Variants in KCTD1 observed in about 807,000 individuals in gnomAD.
KCTD1 encodes potassium channel tetramerization domain containing 1.
In KCTD1, 24 loss-of-function variants were observed where a neutral mutation model predicts 66.0. The ratio of observed to expected loss-of-function variants is 0.36; its 90% CI spans 0.26 to 0.51. KCTD1 has a LOEUF of 0.51. KCTD1 is among the 20% of genes least tolerant of loss of function. The pLI, the probability that KCTD1 is intolerant of heterozygous loss-of-function variation, is 0.95. For missense variants in KCTD1, 943 were observed against 1,205.2 expected (o/e 0.78, Z 3.22); for synonymous variants, 511 against 517.2 (o/e 0.99, Z 0.16).
intron 1 of KCTD1, among the ~76,000 whole-genome samples, chr18:26,519,369 C>A (rs373498292): frequency 6.6e-6 from 1 of 152,178 alleles, no homozygotes; most frequent in Non-Finnish European, 1.5e-5. Flanking sequence ...AAAATATTAA[C>A]CTCTTGTTCC....
chr18:26,481,400 G>C (rs542030364), intron 2 of KCTD1, among the ~76,000 whole-genome samples: 38 of 152,332 alleles, frequency 2.5e-4, no homozygotes, highest in Admixed American at 2.4e-3. Context: ...GCAGGGAGAA[G>C]GGTGCGGAAG....
At chr18:26,462,609 G>A (rs578117633) in intron 3 of KCTD1, among the ~76,000 whole-genome samples, 42 of 152,248 alleles carry the variant, frequency 2.8e-4, no homozygotes, top group Middle Eastern at 3.4e-3. Flanking sequence ...TTCTGCACAC[G>A]GTGAAGTGCA....
At chr18:26,572,622 CTG>C (rs1301553342) in intron 1 of KCTD1, among the ~76,000 whole-genome samples, 2 of 152,194 alleles carry the variant, frequency 1.3e-5, no homozygotes, top group Non-Finnish European at 2.9e-5. Context: ...ATGAGGCACT[CTG>C]TTGCTTTTGA....
intron 1 of KCTD1, among the ~76,000 whole-genome samples, chr18:26,502,665 A>G (rs188961202): frequency 4.0e-5 from 6 of 151,586 alleles, no homozygotes; most frequent in East Asian, 1.9e-4. Flanking sequence ...TAGAGTATCT[A>G]ACTGAAGAGT....
intron 1 of KCTD1, among the ~76,000 whole-genome samples, chr18:26,507,985 A>G (rs999324237): frequency 6.6e-6 from 1 of 152,166 alleles, no homozygotes; most frequent in African/African-American, 2.4e-5. Flanking sequence ...AAATAAGATA[A>G]ACTGAAAATA....
intron 2 of KCTD1, among the ~76,000 whole-genome samples, chr18:26,477,068 G>A (rs920583056): frequency 2.0e-4 from 31 of 152,106 alleles, no homozygotes; most frequent in African/African-American, 7.0e-4. Flanking sequence ...TTAAGAAATC[G>A]TTTTCTGAGT....
intron 3 of KCTD1, among the ~76,000 whole-genome samples, chr18:26,472,531 C>T (rs1981124377): frequency 1.3e-5 from 2 of 152,222 alleles, no homozygotes; most frequent in African/African-American, 2.4e-5. Context: ...TCCTCCCTCA[C>T]CCATTTCCAA....
intron 1 of KCTD1, among the ~76,000 whole-genome samples, chr18:26,511,732 ACT>A (rs1359407698): frequency 6.6e-6 from 1 of 152,116 alleles, no homozygotes; most frequent in Non-Finnish European, 1.5e-5. Flanking sequence ...TAAGGTTGCC[ACT>A]CTCTTATTAC....
At chr18:26,543,586 G>T (rs1985075549) in intron 1 of KCTD1, 1 of 152,286 alleles carries the variant, frequency 6.6e-6, no homozygotes, top group Non-Finnish European at 1.5e-5. Context: ...GTGTCAGCCT[G>T]CTTGCAGCCT....
At chr18:26,614,807 A>G (rs1987214015) in intron 1 of KCTD1, among the ~76,000 whole-genome samples, 1 of 152,226 alleles carries the variant, frequency 6.6e-6, no homozygotes, top group Non-Finnish European at 1.5e-5. Flanking sequence ...GTGGTGACCT[A>G]CACTTATCTT....
intron 1 of KCTD1, among the ~76,000 whole-genome samples, chr18:26,526,168 G>C (rs1027675156): frequency 2.0e-5 from 3 of 152,158 alleles, no homozygotes; most frequent in Admixed American, 2.0e-4. Flanking sequence ...AAAATTGTGA[G>C]TTAAATGTGA....
chr18:26,540,358 C>A (rs1984918055), intron 1 of KCTD1, among the ~76,000 whole-genome samples: 4 of 152,318 alleles, frequency 2.6e-5, no homozygotes, highest in Admixed American at 2.6e-4. Flanking sequence ...CACGTTTTAC[C>A]CCCCTTCCTC....
chr18:26,497,054 G>A (rs1051065093), intron 2 of KCTD1, among the ~76,000 whole-genome samples: 2 of 152,092 alleles, frequency 1.3e-5, no homozygotes, highest in African/African-American at 4.8e-5. Flanking sequence ...GTCCATCATA[G>A]TACTTTTTGG....
intron 1 of KCTD1, among the ~76,000 whole-genome samples, chr18:26,518,643 T>C (rs529010546): frequency 6.6e-6 from 1 of 152,304 alleles, no homozygotes; most frequent in Non-Finnish European, 1.5e-5. Context: ...TAAGGGATAC[T>C]TACAAAATGC....
At chr18:26,628,112 T>C (rs1391850118) in intron 1 of KCTD1, among the ~76,000 whole-genome samples, 2 of 152,220 alleles carry the variant, frequency 1.3e-5, no homozygotes, top group Non-Finnish European at 2.9e-5. Flanking sequence ...TTACTTTTGT[T>C]TTATGAGTCT....
At chr18:26,603,097 C>T (rs563045421) in intron 1 of KCTD1, among the ~76,000 whole-genome samples, 6 of 152,190 alleles carry the variant, frequency 3.9e-5, no homozygotes, top group East Asian at 1.9e-4. Flanking sequence ...GACCCTCTTC[C>T]GTATAGCATA....
intron 1 of KCTD1, among the ~76,000 whole-genome samples, chr18:26,561,181 T>A (rs1985839407): frequency 6.7e-6 from 1 of 149,936 alleles, no homozygotes; most frequent in African/African-American, 2.5e-5. Flanking sequence ...AAAAAAAAAC[T>A]CTGACCTAAA....
chr18:26,586,197 G>A (rs1986467764), intron 1 of KCTD1, among the ~76,000 whole-genome samples: 1 of 152,170 alleles, frequency 6.6e-6, no homozygotes, highest in African/African-American at 2.4e-5. Context: ...AACAGCATGT[G>A]CTCACTTTGT....
chr18:26,494,113 T>C (rs1982347487), intron 2 of KCTD1, among the ~76,000 whole-genome samples: 1 of 152,168 alleles, frequency 6.6e-6, no homozygotes, highest in Non-Finnish European at 1.5e-5. Flanking sequence ...TTCACACCTG[T>C]AATCTCAACA....
Sources: gnomAD v4.1 joint callset for allele counts (sites outside exome capture counted in the v4.1 genomes callset) on GRCh38, gnomAD v4.1.1 for gene constraint, MANE v1.5 for transcripts, NCBI Gene and HGNC (gene_info 2026-07-23, HGNC 2026-07-21) for gene names.